Variants in SENP2 observed in about 807,000 individuals in gnomAD.
The protein encoded by SENP2 is SUMO specific peptidase 2.
SENP2 carries 16 observed loss-of-function variants against 86.3 expected under a neutral mutation model. The observed-to-expected ratio is 0.19, with a 90% confidence interval of 0.13 to 0.28. The LOEUF is 0.28. Among genes scored for constraint, SENP2 ranks in the 10% least tolerant of loss-of-function variants. The probability of loss-of-function intolerance (pLI) is 1.00; values close to 1 mark genes in which losing one functional copy is unlikely to be tolerated. For synonymous variants in SENP2, 222 were observed against 238.7 expected, an observed-to-expected ratio of 0.93 and a Z score of 0.64; for missense variants, 552 against 703.0, an observed-to-expected ratio of 0.79 and a Z score of 2.43.
chr3:185,590,593 G>C (rs1265291265), intron 2 of SENP2, among the ~76,000 whole-genome samples: 2 of 148,884 alleles, frequency 1.3e-5, no homozygotes, highest in African/African-American at 4.9e-5. Flanking sequence ...CTGGCCCGAC[G>C]TGGTGGCTCA....
intron 1 of SENP2, among the ~76,000 whole-genome samples, chr3:185,587,385 A>G (rs1216026146): frequency 6.6e-6 from 1 of 152,014 alleles, no homozygotes. Context: ...CGCCCACCCC[A>G]GCCTTTGGAA....
At chr3:185,603,799 A>G (rs1722424555) in intron 5 of SENP2, among the ~76,000 whole-genome samples, 1 of 152,116 alleles carries the variant, frequency 6.6e-6, no homozygotes, top group Non-Finnish European at 1.5e-5. Context: ...CACATTTTGA[A>G]ATGTTGGTTT....
In SENP2 at chr3:185,617,462, C is replaced by T; in HGVS notation, c.1111-18C>T. Reference sequence around the variant, plus strand: ...TGGTTCTATATTAAAATAGCAACTTCTGAACTTTCTAATTCAGGACATGGA... The same window carrying T: ...TGGTTCTATATTAAAATAGCAACTTTTGAACTTTCTAATTCAGGACATGGA... On this transcript the variant is annotated intron_variant, in intron 11 of 16. Transcript: ENST00000296257. 1.3e-6 allele frequency: 2 copies of T among 1,592,070 alleles called. No homozygotes were observed. Among genetic ancestry groups the T allele is most frequent in the Non-Finnish European group, 1.7e-6 (2 of 1,169,472 alleles).
chr3:185,607,595 G>T (rs2148987803), intron 6 of SENP2, among the ~76,000 whole-genome samples: 1 of 152,278 alleles, frequency 6.6e-6, no homozygotes, highest in South Asian at 2.1e-4. Flanking sequence ...CTCCCAAAGT[G>T]CTGGGATTAC....
intron 12 of SENP2, among the ~76,000 whole-genome samples, chr3:185,618,804 G>A (rs902326624): frequency 6.6e-6 from 1 of 152,094 alleles, no homozygotes; most frequent in Non-Finnish European, 1.5e-5. Flanking sequence ...GTGTGAACCC[G>A]GGAGGCAGAG....
At chr3:185,608,364 C>T (rs759132104) in intron 6 of SENP2, among the ~76,000 whole-genome samples, 2 of 152,134 alleles carry the variant, frequency 1.3e-5, no homozygotes, top group Non-Finnish European at 2.9e-5. Flanking sequence ...TTAGCAAGGA[C>T]GTTATCTGTT....
intron 2 of SENP2, among the ~76,000 whole-genome samples, chr3:185,591,641 G>T (rs887648676): frequency 3.9e-5 from 6 of 152,244 alleles, no homozygotes; most frequent in Non-Finnish European, 7.4e-5. Flanking sequence ...GTGAGCCCCC[G>T]CGCCTGGCCC....
chr3:185,587,189 G>A (rs1380623619), intron 1 of SENP2, among the ~76,000 whole-genome samples: 3 of 152,170 alleles, frequency 2.0e-5, no homozygotes, highest in African/African-American at 7.2e-5. Flanking sequence ...CTGGAGTGCA[G>A]TGGTGCGATC....
chr3:185,587,585 GAGA>G (rs776279480), intron 1 of SENP2, among the ~76,000 whole-genome samples: 1 of 54,038 alleles, frequency 1.9e-5, no homozygotes, highest in African/African-American at 7.9e-5. Context: ...TTTTTTTTTT[GAGA>G]AGGAGTCTCG....
In SENP2 at chr3:185,611,675, A is replaced by G; in HGVS notation, c.747A>G (p.Thr249=). 1.2e-6 allele frequency: 2 copies of G among 1,613,680 alleles called. No homozygotes were observed. The highest frequency in any genetic ancestry group is 2.7e-5 in the African/African-American group (2 of 75,068). The change falls in exon 8 of 17, where the codon ACA becomes ACG. Residue 249 remains threonine (T), a synonymous_variant. Coordinates refer to ENST00000296257, the MANE Select transcript of SENP2 (RefSeq NM_021627.3). ...GTTCTCAAAGAAGTCAGATGGACAC[A>G]TTAAAGACCAAAGGCTGGGGGGAAG... ...YHSSQRSQMD[T]LKTKGWGEEQ...
At chr3:185,607,532 G>T (rs774708774) in intron 6 of SENP2, among the ~76,000 whole-genome samples, 28 of 151,496 alleles carry the variant, frequency 1.8e-4, no homozygotes, top group African/African-American at 6.1e-4. Flanking sequence ...TTTTCACCAC[G>T]TTGGCCAGTC....
In SENP2 at chr3:185,586,378, G is replaced by T. The variant is rs776177471; in HGVS notation, c.-36G>T. The T allele has an allele frequency of 1.2e-6, 2 of 1,612,398 alleles. No individual in the cohort carries two copies. Among genetic ancestry groups the T allele is most frequent in the African/African-American group, 1.3e-5 (1 of 74,944 alleles). Reference sequence around the variant, plus strand: ...GCGACAGCTCTGGGGTTTGCGTCTCGGGGTGTGTCGGCCGCCGCTGCTGCT... The same window carrying T: ...GCGACAGCTCTGGGGTTTGCGTCTCTGGGTGTGTCGGCCGCCGCTGCTGCT... On this transcript the variant is annotated 5_prime_UTR_variant, in exon 1 of 17. Transcript: ENST00000296257. The surrounding 1 kb of genome is among the most constrained non-coding windows in gnomAD (Gnocchi z 4.3).
At position 185,631,456 on chromosome 3, in the gene SENP2, TCTCCCC is replaced by T; in HGVS notation, c.*1613_*1618del. 1 of 1,012 alleles carries T rather than the reference TCTCCCC, an allele frequency of 9.9e-4. No homozygotes were observed. The highest frequency in any genetic ancestry group is 5.0e-3 in the African/African-American group (1 of 202). The allele number at this position is 1,012 out of a possible 1,614,324, so 0.1% of individuals were successfully genotyped here. On this transcript the variant is annotated 3_prime_UTR_variant, in exon 17 of 17. Coordinates refer to ENST00000296257, the MANE Select transcript of SENP2 (RefSeq NM_021627.3). ...CCCCCTCCCACTCCCCCTCCCTCCC[TCTCCCC>T]TCCCCCTCCCTCCCTCCCCCCTCCC...
intron 2 of SENP2, among the ~76,000 whole-genome samples, chr3:185,597,847 T>C (rs535380448): frequency 6.6e-6 from 1 of 151,784 alleles, no homozygotes; most frequent in South Asian, 2.1e-4. Flanking sequence ...AGAGATGGGG[T>C]TTCTCCATGT....
At chr3:185,603,611 T>C (rs1250667477) in intron 5 of SENP2, among the ~76,000 whole-genome samples, 3 of 152,236 alleles carry the variant, frequency 2.0e-5, no homozygotes, top group Admixed American at 1.3e-4. Context: ...TTCAGAGATA[T>C]TTGAATACGG....
At chr3:185,605,685 C>T (rs1446707150) in intron 5 of SENP2, among the ~76,000 whole-genome samples, 1 of 149,572 alleles carries the variant, frequency 6.7e-6, no homozygotes, top group Non-Finnish European at 1.5e-5. Flanking sequence ...TTTGAAACAC[C>T]ACATAAGTGA....
rs1712457480 is a variant in SENP2 at position 185,631,447 on chromosome 3, C to T, written c.*1603C>T. On this transcript the variant is annotated 3_prime_UTR_variant, in exon 17 of 17. Coordinates refer to ENST00000296257, the MANE Select transcript of SENP2 (RefSeq NM_021627.3). The stretch of plus-strand genomic sequence containing the variant: ...CTCTCCCCCCCCCCTCCCACTCCCC[C>T]TCCCTCCCTCTCCCCTCCCCCTCCC... 8.9e-5 allele frequency: 1 copy of T among 11,274 alleles called. No homozygotes were observed. The highest frequency in any genetic ancestry group is 1.6e-4 in the Non-Finnish European group (1 of 6,098). 0.7% of individuals were successfully genotyped at this position (11,274 alleles called of 1,614,324 possible). A position where few individuals can be genotyped will look rare whatever the true frequency, so the allele number is the denominator to read the frequency against.
intron 12 of SENP2, among the ~76,000 whole-genome samples, chr3:185,618,331 T>C (rs1220834209): frequency 6.6e-6 from 1 of 152,246 alleles, no homozygotes; most frequent in Non-Finnish European, 1.5e-5. Flanking sequence ...AAATTTTGCC[T>C]AACTTGTCAT....
rs368536548 is a variant in SENP2 at position 185,591,635 on chromosome 3, G to A, written c.157+1466G>A. On this transcript the variant is annotated intron_variant, in intron 2 of 16. Transcript: ENST00000296257. ...CAAAGTGCTGGGATTACAGGCGTGA[G>A]CCCCCGCGCCTGGCCCTACTTATTT... Among the ~76,000 whole-genome samples, 524 of 152,274 alleles carry A rather than the reference G, an allele frequency of 3.4e-3. 5 individuals carry two copies. Among genetic ancestry groups the A allele is most frequent in the African/African-American group, 0.012 (487 of 41,558 alleles).
Sources: gnomAD v4.1 joint callset for allele counts (sites outside exome capture counted in the v4.1 genomes callset) on GRCh38, gnomAD v4.1.1 for gene constraint, Gnocchi (gnomAD v3.1) non-coding constraint, MANE v1.5 for transcripts, NCBI Gene and HGNC (gene_info 2026-07-23, HGNC 2026-07-21) for gene names.